HPR: variants seen among roughly 807,000 people sequenced by gnomAD.
HPR encodes the protein haptoglobin-related protein.
HPR carries 17 observed loss-of-function variants against 18.5 expected under a neutral mutation model. That is an observed-to-expected ratio of 0.92 (90% CI 0.63 to 1.38). The LOEUF (loss-of-function observed/expected upper bound fraction) is 1.38, where lower values mean the gene tolerates loss of function less well. Ranked by LOEUF, HPR falls within the 40% of genes most tolerant of loss-of-function variation. The pLI, the probability that HPR is intolerant of heterozygous loss-of-function variation, is 0.00. For missense variants in HPR, 457 were observed against 432.4 expected (o/e 1.06, Z -0.51); for synonymous variants, 176 against 165.0 (o/e 1.07, Z -0.51).
intron 3 of HPR, 144 bp from the exon 4 acceptor site, chr16:72,075,001 T>G: frequency 7.6e-7 from 1 of 1,321,126 alleles, no homozygotes; most frequent in South Asian, 1.3e-5. Context: ...CCCTTCCTCC[T>G]TCTCGTATTC....
intron 2 of HPR, 96 bp from the exon 3 acceptor site, chr16:72,074,188 A>C (rs2041690827): frequency 7.8e-7 from 1 of 1,281,522 alleles, no homozygotes; most frequent in African/African-American, 1.4e-5. Flanking sequence ...GTAGAAGGAG[A>C]TTGATGTGCA....
At chr16:72,071,732 C>T (rs1254081881) in intron 1 of HPR, among the ~76,000 whole-genome samples, 2 of 152,178 alleles carry the variant, frequency 1.3e-5, no homozygotes, top group African/African-American at 2.4e-5. Flanking sequence ...TGCCGAGTAA[C>T]TGGAGCAGAA....
In HPR at chr16:72,077,043, A is replaced by G. The variant is rs199660483; in HGVS notation, c.1009A>G (p.Ile337Val). The G allele has an allele frequency of 1.2e-6, 2 of 1,613,830 alleles. No homozygotes were observed. The highest frequency in any genetic ancestry group is 8.5e-7 in the Non-Finnish European group (1 of 1,179,984). Residue 337 changes from isoleucine to valine, a missense_variant, in exon 5 of 5, where the codon ATC (isoleucine) becomes GTC (valine). By Grantham distance (29) the Ile-to-Val change is conservative (BLOSUM62 3). Transcript: ENST00000540303. ...EYGVYVKVTSIQHWVQKTIAE... is the reference protein window; with the variant it reads ...EYGVYVKVTSVQHWVQKTIAE... The stretch of plus-strand genomic sequence containing the variant: ...TGGTGTGTATGTGAAGGTGACTTCC[A>G]TCCAGCACTGGGTTCAGAAGACCAT...
rs769374753 is a variant in HPR at position 72,076,514 on chromosome 16, C to T, written c.480C>T (p.Ala160=). Residue 160 remains alanine (A), a synonymous_variant, in exon 5 of 5, where the codon GCC becomes GCT. Transcript: ENST00000540303. ...AAAATGCAACAGCGAAAGACATTGC[C>T]CCTACTTTAACACTCTATGTGGGGA... The part of the protein sequence containing the change: ...HSENATAKDI[A]PTLTLYVGKK... The T allele has an allele frequency of 1.9e-5, 30 of 1,613,966 alleles. No homozygotes were observed. Among genetic ancestry groups the T allele is most frequent in the Non-Finnish European group, 2.5e-5 (30 of 1,180,006 alleles).
intron 1 of HPR, among the ~76,000 whole-genome samples, chr16:72,067,119 A>T (rs1450012692): frequency 1.3e-5 from 2 of 152,190 alleles, no homozygotes; most frequent in Non-Finnish European, 2.9e-5. Context: ...GTCCCAAATT[A>T]GAAAAGGAGA....
intron 1 of HPR, among the ~76,000 whole-genome samples, chr16:72,065,112 G>T (rs7189591): frequency 0.56 from 84,717 of 151,786 alleles, 24,156 homozygotes; most frequent in South Asian, 0.64. Flanking sequence ...AGTCCAATCT[G>T]TGGGTCTATG....
chr16:72,076,146 T>G (rs2041719971), intron 4 of HPR, among the ~76,000 whole-genome samples, 157 bp from the exon 5 acceptor site: 1 of 152,222 alleles, frequency 6.6e-6, no homozygotes, highest in Non-Finnish European at 1.5e-5. Context: ...ATTTTAAAAC[T>G]GCAACTATTG....
chr16:72,077,084 C>G lies in HPR; in HGVS notation c.*3C>G. On this transcript the variant is annotated 3_prime_UTR_variant, in exon 5 of 5. Coordinates refer to ENST00000540303, the MANE Select transcript of HPR (RefSeq NM_020995.4). ...AGAAGACCATAGCTGAGAACTAATG[C>G]AAGGCTGGCCGGAAGCCCTTGCCTG... is the stretch of plus-strand genomic sequence containing the variant. The G allele has an allele frequency of 6.2e-7, 1 of 1,602,730 alleles. No individual in the cohort carries two copies. The highest frequency in any genetic ancestry group is 1.1e-5 in the South Asian group (1 of 90,196).
rs1448831061 is a variant in HPR at position 72,076,743 on chromosome 16, C to T, written c.709C>T (p.His237Tyr). ...GQSDNFKLTD[H>Y]LKYVMLPVAD... is the part of the protein sequence containing the mutation. ...AAGTGACAACTTTAAACTTACTGAC[C>T]ATCTGAAGTATGTCATGCTGCCTGT... The change falls in exon 5 of 5, where the codon CAT becomes TAT. Residue 237 changes from histidine (H) to tyrosine (Y), a missense_variant. Transcript: ENST00000540303. 1 of 1,614,072 alleles carries T rather than the reference C, an allele frequency of 6.2e-7. No homozygotes were observed. The highest frequency in any genetic ancestry group is 8.5e-7 in the Non-Finnish European group (1 of 1,180,046).
At chr16:72,072,544 A>C (rs1269698729) in intron 1 of HPR, among the ~76,000 whole-genome samples, 1 of 152,182 alleles carries the variant, frequency 6.6e-6, no homozygotes, top group Non-Finnish European at 1.5e-5. Context: ...TGAGCTAGCC[A>C]AAAATTCTGG....
chr16:72,072,696 T>C (rs1321991807), intron 1 of HPR, among the ~76,000 whole-genome samples: 4 of 152,114 alleles, frequency 2.6e-5, no homozygotes, highest in African/African-American at 9.7e-5. Context: ...TGCCCTAGGA[T>C]TAATACAAAA....
chr16:72,074,479 C>T (rs571134645), intron 3 of HPR, 94 bp downstream of exon 3: 39 of 1,110,982 alleles, frequency 3.5e-5, no homozygotes, highest in Admixed American at 3.1e-4. Flanking sequence ...CCAGAAAGTT[C>T]GTTGCTCTCC....
intron 1 of HPR, 100 bp from the exon 2 acceptor site, chr16:72,073,792 G>A (rs529979337): frequency 0.013 from 21,102 of 1,592,426 alleles, 203 homozygotes; most frequent in Non-Finnish European, 0.016. Flanking sequence ...GTGTGTGTGT[G>A]CGTGTGTGTG....
chr16:72,065,723 A>G (rs1013617911), intron 1 of HPR, among the ~76,000 whole-genome samples: 1 of 152,132 alleles, frequency 6.6e-6, no homozygotes, highest in Admixed American at 6.5e-5. Flanking sequence ...TCTCAAGAAG[A>G]ACTAGACTAT....
chr16:72,075,882 A>C (rs1036253601), intron 4 of HPR, among the ~76,000 whole-genome samples: 8 of 144,276 alleles, frequency 5.5e-5, no homozygotes, highest in African/African-American at 1.5e-4. Flanking sequence ...CCTAGGCTGG[A>C]GTGCAGTGGT....
chr16:72,066,091 T>C (rs1445128358), intron 1 of HPR, among the ~76,000 whole-genome samples: 1 of 152,220 alleles, frequency 6.6e-6, no homozygotes, highest in African/African-American at 2.4e-5. Context: ...AAAAAGGACA[T>C]TCAGAACTCC....
chr16:72,076,846 G>A lies in HPR; in HGVS notation c.812G>A (p.Gly271Glu), dbSNP rs1322958036. Residue 271 changes from glycine (G) to glutamate (E), a missense_variant, in exon 5 of 5, where the codon GGG becomes GAG. By Grantham distance (98) the Gly-to-Glu change is moderately conservative. Transcript: ENST00000540303. ...PKWKAPKSPV[G>E]VQPILNEHTF... ...TGGAAGGCACCGAAGAGCCCTGTAG[G>A]GGTGCAGCCCATACTGAACGAACAC... 1.9e-6 allele frequency: 3 copies of A among 1,614,104 alleles called. No individual in the cohort carries two copies. The highest frequency in any genetic ancestry group is 2.5e-6 in the Non-Finnish European group (3 of 1,180,048).
chr16:72,067,381 G>C (rs2041609142), intron 1 of HPR, among the ~76,000 whole-genome samples: 1 of 152,136 alleles, frequency 6.6e-6, no homozygotes, highest in African/African-American at 2.4e-5. Flanking sequence ...GAGAATCTTA[G>C]AAAATACAGA....
chr16:72,075,018 C>T (rs1191426212), intron 3 of HPR, 127 bp from the exon 4 acceptor site: 5 of 1,297,894 alleles, frequency 3.9e-6, no homozygotes, highest in South Asian at 3.8e-5. Flanking sequence ...ATTCTCTCTC[C>T]TTTCTCCCTT....
Sources: allele counts gnomAD v4.1 joint callset (sites outside exome capture counted in the v4.1 genomes callset), GRCh38; gene constraint gnomAD v4.1.1; transcripts MANE v1.5; gene names NCBI Gene and HGNC (gene_info 2026-07-23, HGNC 2026-07-21).